The following FLT1 variants were observed in gnomAD, a reference collection of about 807,000 sequenced individuals.
The protein encoded by FLT1 is fms related receptor tyrosine kinase 1.
Under a neutral mutation model 156.3 loss-of-function variants are expected in FLT1, and 49 were observed. The observed-to-expected ratio is 0.31, with a 90% CI of 0.25 to 0.40. The LOEUF is 0.40. Ranked by LOEUF, FLT1 falls within the 10% of genes least tolerant of loss-of-function variation. The pLI is 1.00. For missense variants in FLT1, 1,322 were observed against 1,637.2 expected (o/e 0.81, Z 3.32); for synonymous variants, 594 against 583.8 (o/e 1.02, Z -0.25).
intron 29 of FLT1, 39 bp from the exon 30 acceptor site, chr13:28,303,407 G>T (rs1213417184): frequency 6.3e-7 from 1 of 1,585,904 alleles, no homozygotes; most frequent in Admixed American, 1.7e-5. Flanking sequence ...ATTCAAAATT[G>T]GTTTTTTAGA....
intron 13 of FLT1, chr13:28,387,082 G>A: frequency 1.9e-6 from 2 of 1,035,508 alleles, no homozygotes; most frequent in African/African-American, 3.4e-5. Flanking sequence ...TTAAAGAGAA[G>A]AGAACATTTT....
intron 11 of FLT1, among the ~76,000 whole-genome samples, chr13:28,405,186 G>C (rs1341683586): frequency 6.6e-6 from 1 of 152,164 alleles, no homozygotes; most frequent in Admixed American, 6.5e-5. Flanking sequence ...AGCTTCAGTG[G>C]GGGTTAGGGG....
At chr13:28,442,716 A>ACACACC (rs1878399880) in intron 3 of FLT1, among the ~76,000 whole-genome samples, 1 of 151,874 alleles carries the variant, frequency 6.6e-6, no homozygotes, top group Non-Finnish European at 1.5e-5. Context: ...ACACACACAC[A>ACACACC]CACACACACA....
Position 28,374,951 on chromosome 13 carries a change from C to T in FLT1, c.2116+9934G>A, listed in dbSNP as rs141670710. On this transcript the variant is annotated intron_variant, in intron 14 of 29. Transcript: ENST00000282397. Reference sequence around the variant, plus strand: ...CTAGCAGGGGGCCCTGCTATTCATACGAATAGATGTTTGTGTTGACCAATG... The same window carrying T: ...CTAGCAGGGGGCCCTGCTATTCATATGAATAGATGTTTGTGTTGACCAATG... Among the ~76,000 whole-genome samples, 947 of 152,212 alleles carry T rather than the reference C, an allele frequency of 6.2e-3. 6 individuals are homozygous for T. Among genetic ancestry groups the T allele is most frequent in the African/African-American group, 0.022 (907 of 41,524 alleles).
chr13:28,406,462 A>C (rs1324351687), intron 10 of FLT1, among the ~76,000 whole-genome samples: 2 of 152,074 alleles, frequency 1.3e-5, no homozygotes, highest in Non-Finnish European at 2.9e-5. Context: ...AAAGGTGTTG[A>C]TGTTATTTAT....
At chr13:28,445,219 G>T (rs561263420) in intron 3 of FLT1, among the ~76,000 whole-genome samples, 2 of 152,022 alleles carry the variant, frequency 1.3e-5, no homozygotes, top group African/African-American at 4.8e-5. Flanking sequence ...GCTCATGCCC[G>T]TAATCCCAGC....
chr13:28,494,794 C>T lies in FLT1; in HGVS notation c.50G>A (p.Cys17Tyr), dbSNP rs755226981. 1 of 1,573,742 alleles carries T rather than the reference C, an allele frequency of 6.4e-7. No homozygotes were observed. Among genetic ancestry groups the T allele is most frequent in the Non-Finnish European group, 8.6e-7 (1 of 1,164,950 alleles). The change falls in exon 1 of 30, where the codon TGT (cysteine) becomes TAT (tyrosine). Residue 17 changes from cysteine to tyrosine, a missense_variant. Around this residue, in one of 3 missense-constraint regions of FLT1, gnomAD observed 991 missense variants for 1,254.8 expected, o/e 0.79. Transcript: ENST00000282397. ...TGVLLCALLS[C>Y]LLLTGSSSGS... ...CCGCGCCTCACCTGTGAGAAGCAGA[C>T]AGCTGAGCAGCGCGCACAGCAGGAC...
In FLT1 at chr13:28,434,161, G is replaced by T; in HGVS notation, c.573C>A (p.Gly191=). The T allele has an allele frequency of 1.2e-6, 2 of 1,614,048 alleles. No homozygotes were observed. The highest frequency in any genetic ancestry group is 1.7e-6 in the Non-Finnish European group (2 of 1,179,978). ...TGTACGTTGCATTTGATATGATGAA[G>T]CCCTTTCTACTGTCCCAGATTATGC... ...GKRIIWDSRK[G]FIISNATYKE... is the part of the protein sequence containing the mutation. Residue 191 remains glycine, a synonymous_variant, in exon 5 of 30, where the codon GGC becomes GGA. Transcript: ENST00000282397.
chr13:28,317,757 G>C (rs1291086975), intron 24 of FLT1, among the ~76,000 whole-genome samples, 160 bp from the exon 25 acceptor site: 1 of 152,230 alleles, frequency 6.6e-6, no homozygotes, highest in African/African-American at 2.4e-5. Flanking sequence ...ACAACACACA[G>C]AGAAGCTCAG....
At chr13:28,416,047 A>G (rs1876626865) in intron 10 of FLT1, among the ~76,000 whole-genome samples, 1 of 152,232 alleles carries the variant, frequency 6.6e-6, no homozygotes, top group Non-Finnish European at 1.5e-5. Context: ...CCTTTCAGCA[A>G]ACAAACTTAG....
chr13:28,320,656 C>T (rs535068265), intron 23 of FLT1, among the ~76,000 whole-genome samples: 3 of 152,022 alleles, frequency 2.0e-5, no homozygotes, highest in Admixed American at 6.6e-5. Context: ...AGATTGGACA[C>T]CCCTGGTCTA....
intron 11 of FLT1, among the ~76,000 whole-genome samples, chr13:28,399,897 A>T (rs1223555220): frequency 6.6e-6 from 1 of 152,192 alleles, no homozygotes; most frequent in African/African-American, 2.4e-5. Context: ...GCAGCATGCA[A>T]GGCACTTTAC....
Position 28,427,202 on chromosome 13 carries a change from T to C in FLT1, c.1393A>G (p.Lys465Glu). 2 of 1,614,062 alleles carry C rather than the reference T, an allele frequency of 1.2e-6. No individual in the cohort carries two copies. The highest frequency in any genetic ancestry group is 1.3e-5 in the African/African-American group (1 of 75,020). The stretch of plus-strand genomic sequence containing the variant: ...TGGTTACAGGGGTGCCAGAACCACT[T>C]GATTGTAGGTTGAGGGATACCATAT... ...TAYGIPQPTI[K>E]WFWHPCNHNH... Residue 465 changes from lysine (K) to glutamate (E), a missense_variant, in exon 10 of 30, where the codon AAG becomes GAG. By Grantham distance (56) the Lys-to-Glu change is moderately conservative. Coordinates refer to ENST00000282397, the MANE Select transcript of FLT1 (RefSeq NM_002019.4).
intron 10 of FLT1, among the ~76,000 whole-genome samples, chr13:28,418,396 C>T (rs985526798): frequency 6.6e-6 from 1 of 152,186 alleles, no homozygotes; most frequent in African/African-American, 2.4e-5. Flanking sequence ...GATGGGTCAG[C>T]TCTAACTCAC....
chr13:28,303,432 A>G, intron 29 of FLT1, 64 bp from the exon 30 acceptor site: 3 of 1,424,036 alleles, frequency 2.1e-6, no homozygotes, highest in Non-Finnish European at 2.9e-6. Context: ...AAAGACACTA[A>G]AATCTACTCT....
intron 1 of FLT1, among the ~76,000 whole-genome samples, chr13:28,484,564 G>A (rs1881037294): frequency 6.6e-6 from 1 of 152,188 alleles, no homozygotes; most frequent in African/African-American, 2.4e-5. Flanking sequence ...TCTTATTGGA[G>A]ATGTGAACAG....
At chr13:28,314,537 A>G (rs1487005498) in intron 25 of FLT1, among the ~76,000 whole-genome samples, 1 of 152,200 alleles carries the variant, frequency 6.6e-6, no homozygotes, top group African/African-American at 2.4e-5. Context: ...AAGTTATGAG[A>G]CATTAGCTTG....
At chr13:28,326,900 A>G (rs1336005595) in intron 20 of FLT1, among the ~76,000 whole-genome samples, 1 of 152,114 alleles carries the variant, frequency 6.6e-6, no homozygotes, top group African/African-American at 2.4e-5. Flanking sequence ...GCTTTTATTT[A>G]ATAAGGCTGG....
intron 13 of FLT1, 99 bp downstream of exon 13, chr13:28,389,697 T>C (rs1874583651): frequency 4.4e-6 from 7 of 1,591,156 alleles, no homozygotes; most frequent in Non-Finnish European, 6.0e-6. Context: ...TTTTAATGAG[T>C]CCTTTAATGT....
Sources: allele counts gnomAD v4.1 joint callset (sites outside exome capture counted in the v4.1 genomes callset), GRCh38; gene constraint gnomAD v4.1.1; regional missense constraint gnomAD v4.1.1; transcripts MANE v1.5; gene names NCBI Gene and HGNC (gene_info 2026-07-23, HGNC 2026-07-21).